NOL4: variants seen among roughly 807,000 people sequenced by gnomAD.
The protein encoded by NOL4 is nucleolar protein 4.
In NOL4, 17 loss-of-function variants were observed where a neutral mutation model predicts 75.9. The ratio of observed to expected loss-of-function variants is 0.22; its 90% confidence interval spans 0.15 to 0.34. The LOEUF is 0.34. Ranked by LOEUF, NOL4 falls within the 10% of genes least tolerant of loss-of-function variation. The pLI is 1.00. For synonymous variants in NOL4, 292 were observed against 289.9 expected, an observed-to-expected ratio of 1.01 and a Z score of -0.07; for missense variants, 614 against 793.5, an observed-to-expected ratio of 0.77 and a Z score of 2.72.
chr18:34,163,050 C>G (rs2031764955), intron 1 of NOL4, among the ~76,000 whole-genome samples: 1 of 152,144 alleles, frequency 6.6e-6, no homozygotes, highest in Non-Finnish European at 1.5e-5. Context: ...ACCCTTCATG[C>G]TAAAAACTCT....
chr18:34,018,273 T>C (rs1202886993), intron 6 of NOL4, among the ~76,000 whole-genome samples: 2 of 152,146 alleles, frequency 1.3e-5, no homozygotes, highest in Admixed American at 6.6e-5. Context: ...TTTAAACCAC[T>C]GAGGAGGATA....
At position 34,058,202 on chromosome 18, in the gene NOL4, C is replaced by T. The variant is rs78211807; in HGVS notation, c.772+35263G>A. ...AGGCTGGAGTGCAATGGCACGATCT[C>T]GGCTCACTGCAAGCTCCGCCTCCCG... On this transcript the variant is annotated intron_variant, in intron 5 of 10. Coordinates refer to ENST00000261592, the MANE Select transcript of NOL4 (RefSeq NM_003787.5). Among the ~76,000 whole-genome samples the T allele has an allele frequency of 5.3e-3, 803 of 152,192 alleles. 21 individuals are homozygous for T. Among genetic ancestry groups the T allele is most frequent in the East Asian group, 0.047 (243 of 5,162 alleles).
intron 9 of NOL4, among the ~76,000 whole-genome samples, chr18:33,921,095 T>C (rs538121345): frequency 6.6e-6 from 1 of 152,190 alleles, no homozygotes; most frequent in East Asian, 1.9e-4. Flanking sequence ...GATGGAAATG[T>C]CCATCCTATG....
At chr18:33,882,980 C>T (rs1233505006) in intron 10 of NOL4, among the ~76,000 whole-genome samples, 2 of 151,996 alleles carry the variant, frequency 1.3e-5, no homozygotes, top group African/African-American at 4.8e-5. Context: ...ACCGCATATT[C>T]TCATTCATAG....
chr18:33,924,961 C>A (rs538108388), intron 9 of NOL4, among the ~76,000 whole-genome samples: 1 of 151,984 alleles, frequency 6.6e-6, no homozygotes, highest in Non-Finnish European at 1.5e-5. Flanking sequence ...GTGCCACTCT[C>A]AAATATATCT....
rs1311598955 is a variant in NOL4 at position 34,008,674 on chromosome 18, C to T, written c.1056+10644G>A. Among the ~76,000 whole-genome samples, 5 of 151,910 alleles carry T rather than the reference C, an allele frequency of 3.3e-5. No individual in the cohort carries two copies. In the South Asian group the frequency reaches 6.2e-4, roughly 19 times the overall value. On this transcript the variant is annotated intron_variant, in intron 6 of 10. Transcript: ENST00000261592. ...TTTACCAGCCCGCCATGATGCAATC[C>T]TCCTTAATCACCATAATGGAAATTT... is the stretch of plus-strand genomic sequence containing the variant.
At chr18:34,091,154 A>T (rs2078498782) in intron 5 of NOL4, among the ~76,000 whole-genome samples, 1 of 150,526 alleles carries the variant, frequency 6.6e-6, no homozygotes, top group South Asian at 2.1e-4. Flanking sequence ...GTTCAAAACC[A>T]GCCTGGCCAA....
At chr18:34,065,453 A>T (rs1429854494) in intron 5 of NOL4, among the ~76,000 whole-genome samples, 1 of 151,626 alleles carries the variant, frequency 6.6e-6, no homozygotes, top group Non-Finnish European at 1.5e-5. Context: ...TACAATTTAG[A>T]GACTAAAAGA....
At chr18:34,216,181 G>A (rs2036876625) in intron 1 of NOL4, among the ~76,000 whole-genome samples, 1 of 152,090 alleles carries the variant, frequency 6.6e-6, no homozygotes, top group South Asian at 2.1e-4. Flanking sequence ...AAAATATAGA[G>A]TTAGACAAGA....
At position 34,105,039 on chromosome 18, in the gene NOL4, C is replaced by A; in HGVS notation, c.526+10G>T. 1.3e-6 allele frequency: 2 copies of A among 1,530,540 alleles called. No individual in the cohort carries two copies. The highest frequency in any genetic ancestry group is 1.8e-6 in the Non-Finnish European group (2 of 1,105,242). The allele number at this position is 1,530,540 out of a possible 1,614,324, so 94.8% of individuals were successfully genotyped here. A position where few individuals can be genotyped will look rare whatever the true frequency, so the allele number is the denominator to read the frequency against. Reference sequence around the variant, plus strand: ...TTACTTTAAATCTCACTATTTGACACTGCAGCTACCTTTATGATCTGTTCC... The same window carrying A: ...TTACTTTAAATCTCACTATTTGACAATGCAGCTACCTTTATGATCTGTTCC... On this transcript the variant is annotated intron_variant, in intron 3 of 10. Transcript: ENST00000261592.
At chr18:34,161,074 T>C (rs1182227369) in intron 1 of NOL4, among the ~76,000 whole-genome samples, 1 of 152,188 alleles carries the variant, frequency 6.6e-6, no homozygotes, top group African/African-American at 2.4e-5. Context: ...GTGGTATTTA[T>C]CTTTTTGTGC....
intron 5 of NOL4, among the ~76,000 whole-genome samples, chr18:34,027,870 G>T (rs1406372243): frequency 2.0e-5 from 3 of 152,098 alleles, no homozygotes; most frequent in Non-Finnish European, 4.4e-5. Context: ...AGACTGATTT[G>T]AGGAAAAAAA....
chr18:34,058,279 A>G (rs1053748425), intron 5 of NOL4, among the ~76,000 whole-genome samples: 54 of 151,936 alleles, frequency 3.6e-4, no homozygotes, highest in African/African-American at 8.9e-4. Flanking sequence ...GACTACAGGC[A>G]CCCGCCACCA....
Position 34,223,164 on chromosome 18 carries a change from A to G in NOL4, c.90T>C (p.Arg30=), listed in dbSNP as rs780346074. ...GCTGGACGATCCGTTCGTATTTTTT[A>G]CGGGTCACCGTCTTGGTCTTGCCTG... ...GDSGKTKTVT[R]KKYERIVQLL... The change falls in exon 1 of 11, where the codon CGT becomes CGC. Residue 30 remains arginine (R), a synonymous_variant. Coordinates refer to ENST00000261592, the MANE Select transcript of NOL4 (RefSeq NM_003787.5). The G allele has an allele frequency of 6.2e-7, 1 of 1,614,132 alleles. No individual in the cohort carries two copies. The highest frequency in any genetic ancestry group is 1.1e-5 in the South Asian group (1 of 91,082).
At chr18:33,915,548 T>C (rs552951090) in intron 9 of NOL4, among the ~76,000 whole-genome samples, 2 of 152,112 alleles carry the variant, frequency 1.3e-5, no homozygotes, top group South Asian at 2.1e-4. Flanking sequence ...CGAGAGGCGA[T>C]GGGATGCAGT....
intron 4 of NOL4, among the ~76,000 whole-genome samples, chr18:34,100,860 A>G (rs971160993): frequency 6.6e-6 from 1 of 152,128 alleles, no homozygotes; most frequent in Admixed American, 6.6e-5. Context: ...TTGAATCTCT[A>G]ATAAACCTCT....
intron 9 of NOL4, among the ~76,000 whole-genome samples, chr18:33,917,654 C>A (rs563809565): frequency 6.6e-6 from 1 of 151,866 alleles, no homozygotes; most frequent in African/African-American, 2.4e-5. Flanking sequence ...GCTACTACAC[C>A]TAGTTAATTT....
chr18:34,118,872 T>A (rs889791464), intron 2 of NOL4, among the ~76,000 whole-genome samples: 1 of 152,210 alleles, frequency 6.6e-6, no homozygotes, highest in Admixed American at 6.5e-5. Context: ...TGCAGAGATG[T>A]GTAAGGAAAC....
intron 1 of NOL4, among the ~76,000 whole-genome samples, chr18:34,212,908 C>T (rs2036607029): frequency 1.3e-5 from 2 of 152,134 alleles, no homozygotes; most frequent in African/African-American, 4.8e-5. Context: ...GGAAAATACT[C>T]CCTGCTTTTA....
Sources: allele counts gnomAD v4.1 joint callset (sites outside exome capture counted in the v4.1 genomes callset), GRCh38; gene constraint gnomAD v4.1.1; transcripts MANE v1.5; gene names NCBI Gene and HGNC (gene_info 2026-07-23, HGNC 2026-07-21).